Variants in PAPPA2 observed in about 807,000 individuals in gnomAD.
PAPPA2 encodes pappalysin-2.
Under a neutral mutation model 176.4 loss-of-function variants are expected in PAPPA2, and 86 were observed. The ratio of observed to expected loss-of-function variants is 0.49; its 90% CI spans 0.41 to 0.58. PAPPA2 has a LOEUF of 0.58. PAPPA2 is among the 20% of genes least tolerant of loss of function. The pLI is 0.00. For synonymous variants in PAPPA2, 809 were observed against 852.2 expected (o/e 0.95, Z 0.88); for missense variants, 2,073 against 2,256.9 (o/e 0.92, Z 1.65).
intron 12 of PAPPA2, among the ~76,000 whole-genome samples, chr1:176,731,684 T>TGTGTACATATATGTGTATATATACAC: frequency 1.2e-4 from 18 of 151,160 alleles, no homozygotes; most frequent in African/African-American, 3.9e-4. Flanking sequence ...TGTGTATATA[T>TGTGTACATATATGTGTATATATACAC]ACATATATGT....
chr1:176,710,497 G>C (rs559806826), intron 11 of PAPPA2, among the ~76,000 whole-genome samples: 3 of 152,108 alleles, frequency 2.0e-5, no homozygotes, highest in Non-Finnish European at 2.9e-5. Context: ...TTGATTTAAA[G>C]AAGTTTTATT....
At chr1:176,512,802 A>C (rs966108368) in intron 1 of PAPPA2, among the ~76,000 whole-genome samples, 1 of 152,228 alleles carries the variant, frequency 6.6e-6, no homozygotes, top group Non-Finnish European at 1.5e-5. Context: ...AAAAACATTA[A>C]TAAAACATTT....
intron 2 of PAPPA2, among the ~76,000 whole-genome samples, chr1:176,581,927 T>C (rs1432633440): frequency 1.3e-4 from 18 of 140,522 alleles, no homozygotes; most frequent in African/African-American, 4.2e-4. Context: ...TCTTTCTTTT[T>C]TTTTTTTTTT....
chr1:176,602,076 G>T (rs1472403854), intron 3 of PAPPA2, among the ~76,000 whole-genome samples: 2 of 152,150 alleles, frequency 1.3e-5, no homozygotes, highest in Non-Finnish European at 2.9e-5. Flanking sequence ...CAATCATCTA[G>T]TGTCTGACCA....
intron 15 of PAPPA2, among the ~76,000 whole-genome samples, chr1:176,767,498 C>T (rs994910640): frequency 6.6e-6 from 1 of 152,164 alleles, no homozygotes; most frequent in African/African-American, 2.4e-5. Flanking sequence ...CAGGTGCATG[C>T]CACCACACCC....
In PAPPA2 at chr1:176,594,583, T is replaced by C. The variant is rs1330914085; in HGVS notation, c.979T>C (p.Ser327Pro). Reference protein sequence around the residue: ...SDKGWALGIRSGKDKGKRDAR... With the variant: ...SDKGWALGIRPGKDKGKRDAR... ...CAAAGGCTGGGCCCTGGGGATCCGC[T>C]CAGGGAAGGACAAGGGAAAGCGGGA... is the stretch of plus-strand genomic sequence containing the variant. Residue 327 changes from serine (S) to proline (P), a missense_variant, in exon 3 of 23, where the codon TCA becomes CCA. Coordinates refer to ENST00000367662, the MANE Select transcript of PAPPA2 (RefSeq NM_020318.3). 6.2e-7 allele frequency: 1 copy of C among 1,614,212 alleles called. No homozygotes were observed. Among genetic ancestry groups the C allele is most frequent in the Non-Finnish European group, 8.5e-7 (1 of 1,180,030 alleles).
chr1:176,508,232 C>T (rs1038520699), intron 1 of PAPPA2, among the ~76,000 whole-genome samples: 7 of 152,026 alleles, frequency 4.6e-5, no homozygotes, highest in East Asian at 1.9e-4. Flanking sequence ...TGTGGCATTC[C>T]GTAAAATTAC....
In PAPPA2 at chr1:176,508,123, G is replaced by A. The variant is rs1648394432; in HGVS notation, c.-917+44705G>A. On this transcript the variant is annotated intron_variant, in intron 1 of 22. Transcript: ENST00000367662. ...TAAAAACAATCTTCAAAAAGATCAA[G>A]CTGATCTTCCAGTAATGTAATTGTT... 2.6e-5 allele frequency among the ~76,000 whole-genome samples: 4 copies of A among 152,076 alleles called. No homozygotes were observed. The South Asian group carries it at 8.3e-4, about 31-fold the overall frequency.
At chr1:176,477,696 G>A (rs1652197800) in intron 1 of PAPPA2, among the ~76,000 whole-genome samples, 1 of 152,074 alleles carries the variant, frequency 6.6e-6, no homozygotes, top group South Asian at 2.1e-4. Context: ...AGTGAGCCGA[G>A]ATTGCGCCAC....
chr1:176,827,026 G>C (rs1160951878), intron 21 of PAPPA2, among the ~76,000 whole-genome samples: 1 of 152,182 alleles, frequency 6.6e-6, no homozygotes, highest in Non-Finnish European at 1.5e-5. Context: ...TCATAGATAA[G>C]CCTTCATCTC....
chr1:176,765,898 C>T, intron 15 of PAPPA2, 61 bp downstream of exon 15: 1 of 1,567,978 alleles, frequency 6.4e-7, no homozygotes. Context: ...TATTCACACT[C>T]TTCTCTCTGG....
intron 3 of PAPPA2, among the ~76,000 whole-genome samples, chr1:176,660,060 G>A (rs1210839507): frequency 6.6e-6 from 1 of 151,990 alleles, no homozygotes; most frequent in Non-Finnish European, 1.5e-5. Flanking sequence ...TTCTTCACAT[G>A]GCATGGTTGC....
At chr1:176,739,953 A>G (rs371933893) in intron 13 of PAPPA2, 27 bp from the exon 14 acceptor site, 23 of 1,609,536 alleles carry the variant, frequency 1.4e-5, no homozygotes, top group African/African-American at 2.7e-5. Context: ...ATGGCTGAAA[A>G]TATGATTCAT....
chr1:176,523,100 C>G (rs1349939103), intron 1 of PAPPA2, among the ~76,000 whole-genome samples: 1 of 152,122 alleles, frequency 6.6e-6, no homozygotes, highest in African/African-American at 2.4e-5. Flanking sequence ...GAATCTCTAG[C>G]CTAGCTTTCA....
intron 4 of PAPPA2, 85 bp downstream of exon 4, chr1:176,671,200 A>G (rs1342198090): frequency 1.3e-6 from 2 of 1,542,698 alleles, no homozygotes; most frequent in African/African-American, 2.7e-5. Flanking sequence ...GGGAAAAAAG[A>G]AAGACAGAGA....
chr1:176,695,545 T>C (rs1027751001), intron 6 of PAPPA2, among the ~76,000 whole-genome samples, 193 bp from the exon 7 acceptor site: 9 of 152,202 alleles, frequency 5.9e-5, no homozygotes, highest in African/African-American at 1.9e-4. Flanking sequence ...GAAATTTTCA[T>C]GTCACTGAAT....
intron 1 of PAPPA2, among the ~76,000 whole-genome samples, chr1:176,474,338 C>A (rs56333449): frequency 0.055 from 8,340 of 152,186 alleles, 689 homozygotes; most frequent in African/African-American, 0.18. Flanking sequence ...CAGAGAGACA[C>A]CTCAAGAGTT....
At chr1:176,495,767 G>A (rs1262819173) in intron 1 of PAPPA2, among the ~76,000 whole-genome samples, 4 of 150,842 alleles carry the variant, frequency 2.7e-5, no homozygotes, top group Admixed American at 2.6e-4. Flanking sequence ...TATCTTACCA[G>A]TTAGAAAAAA....
At chr1:176,697,766 T>C (rs779025591) in intron 7 of PAPPA2, among the ~76,000 whole-genome samples, 3 of 152,204 alleles carry the variant, frequency 2.0e-5, no homozygotes, top group Admixed American at 6.5e-5. Flanking sequence ...TATTATACTT[T>C]ATATTCTTTT....
Sources: allele counts gnomAD v4.1 joint callset (sites outside exome capture counted in the v4.1 genomes callset), GRCh38; gene constraint gnomAD v4.1.1; transcripts MANE v1.5; gene names NCBI Gene and HGNC (gene_info 2026-07-23, HGNC 2026-07-21).